Variants in ARRB1 observed in about 807,000 individuals in gnomAD.
ARRB1 encodes the protein arrestin beta 1.
A neutral mutation model predicts 56.8 loss-of-function variants in ARRB1; 21 were observed. The observed-to-expected ratio is 0.37, with a 90% confidence interval of 0.26 to 0.53. The LOEUF (loss-of-function observed/expected upper bound fraction) is 0.53. Ranked by LOEUF, ARRB1 falls within the 20% of genes least tolerant of loss-of-function variation. The pLI is 0.88. For missense variants in ARRB1, 424 were observed against 553.7 expected (o/e 0.77, Z 2.35); for synonymous variants, 210 against 218.6 (o/e 0.96, Z 0.35).
At chr11:75,267,759 G>A in intron 14 of ARRB1, 56 bp from the exon 15 acceptor site, 2 of 1,523,460 alleles carry the variant, frequency 1.3e-6, no homozygotes, top group Non-Finnish European at 1.8e-6. Flanking sequence ...GATGAGCACG[G>A]GGCGAGTAAG....
intron 2 of ARRB1, among the ~76,000 whole-genome samples, chr11:75,289,781 C>T (rs1200835769): frequency 6.6e-6 from 1 of 152,232 alleles, no homozygotes; most frequent in African/African-American, 2.4e-5. Flanking sequence ...CACCAGAGCT[C>T]AGGGGAGCTG....
chr11:75,284,996 C>T (rs1946437468), intron 3 of ARRB1, among the ~76,000 whole-genome samples: 1 of 152,182 alleles, frequency 6.6e-6, no homozygotes, highest in African/African-American at 2.4e-5. Flanking sequence ...ATTATTAAAG[C>T]CATTAATACC....
In ARRB1 at chr11:75,264,539, C is replaced by A. The variant is rs921488525; in HGVS notation, c.*1624G>T. On this transcript the variant is annotated 3_prime_UTR_variant, in exon 16 of 16. Coordinates refer to ENST00000420843, the MANE Select transcript of ARRB1 (RefSeq NM_004041.5). ...AACTCATGCTACCTATGGCCACAGC[C>A]TGACATCAATCCCTTCCCAGTCTTG... 6.6e-6 allele frequency: 1 copy of A among 152,266 alleles called. No individual in the cohort carries two copies. Among genetic ancestry groups the A allele is most frequent in the African/African-American group, 2.4e-5 (1 of 41,446 alleles). 9.4% of individuals were successfully genotyped at this position (152,266 alleles called of 1,614,324 possible). A position where few individuals can be genotyped will look rare whatever the true frequency, so the allele number is the denominator to read the frequency against.
chr11:75,289,756 G>A (rs1309427619), intron 2 of ARRB1, among the ~76,000 whole-genome samples: 1 of 152,140 alleles, frequency 6.6e-6, no homozygotes, highest in Non-Finnish European at 1.5e-5. Context: ...CTCTATGACA[G>A]GCCGTCTCTC....
At chr11:75,269,328 C>A in intron 13 of ARRB1, 1 of 405,210 alleles carries the variant, frequency 2.5e-6, no homozygotes, top group South Asian at 1.9e-5. Context: ...GCCACAGCCA[C>A]CCTCGCCTCC....
intron 1 of ARRB1, among the ~76,000 whole-genome samples, chr11:75,290,455 C>T (rs1375477971): frequency 3.3e-5 from 5 of 152,164 alleles, no homozygotes; most frequent in Non-Finnish European, 7.3e-5. Flanking sequence ...CACACCAGGG[C>T]GATTCCCACC....
intron 1 of ARRB1, among the ~76,000 whole-genome samples, chr11:75,297,561 G>A (rs758816574): frequency 2.0e-4 from 31 of 151,928 alleles, no homozygotes; most frequent in Admixed American, 4.6e-4. Context: ...CTCACATCAC[G>A]TACAAAAATT....
intron 1 of ARRB1, among the ~76,000 whole-genome samples, chr11:75,342,291 C>T (rs1157922620): frequency 6.6e-6 from 1 of 152,150 alleles, no homozygotes; most frequent in Admixed American, 6.5e-5. Flanking sequence ...TCTGAGCCTC[C>T]CCTGTTACAT....
chr11:75,273,195 G>A (rs988905835), intron 11 of ARRB1, among the ~76,000 whole-genome samples: 3 of 152,142 alleles, frequency 2.0e-5, no homozygotes, highest in South Asian at 2.1e-4. Flanking sequence ...TGTGAGACTC[G>A]CTCACTGTGT....
intron 1 of ARRB1, among the ~76,000 whole-genome samples, chr11:75,305,096 T>A (rs771483305): frequency 3.2e-4 from 47 of 144,758 alleles, no homozygotes; most frequent in Admixed American, 7.1e-4. Flanking sequence ...AGTGACATGA[T>A]CTCGGCTCAC....
rs186375493 is a variant in ARRB1, at chr11:75,299,274, A to G, written c.21-9235T>C. ...CAACTAAAAAAAGACAGAGAGAATGAAAAAAAGGAAATGTGCCTAAATACT... is the reference window on the plus strand; with the variant it reads ...CAACTAAAAAAAGACAGAGAGAATGGAAAAAAGGAAATGTGCCTAAATACT... On this transcript the variant is annotated intron_variant, in intron 1 of 15. Transcript: ENST00000420843. 6.6e-5 allele frequency among the ~76,000 whole-genome samples: 10 copies of G among 151,802 alleles called. No individual in the cohort carries two copies. The East Asian group carries it at 1.9e-3, about 29-fold the overall frequency.
chr11:75,308,027 G>A (rs1256837759), intron 1 of ARRB1, among the ~76,000 whole-genome samples: 1 of 152,230 alleles, frequency 6.6e-6, no homozygotes, highest in Non-Finnish European at 1.5e-5. Context: ...GGCTAAAGTG[G>A]AATAAAGCAT....
At position 75,322,885 on chromosome 11, in the gene ARRB1, C is replaced by G. The variant is rs547880914; in HGVS notation, c.20+28703G>C. Among the ~76,000 whole-genome samples, 390 of 152,254 alleles carry G rather than the reference C, an allele frequency of 2.6e-3. 2 individuals are homozygous for G. The highest frequency in any genetic ancestry group is 9.0e-3 in the African/African-American group (373 of 41,540). ...CCTCTCAGGGTCTCAGTTTTCCCTT[C>G]TGTAAAATGGAGATTACAACAGTGT... is the stretch of plus-strand genomic sequence containing the variant. On this transcript the variant is annotated intron_variant, in intron 1 of 15. Coordinates refer to ENST00000420843, the MANE Select transcript of ARRB1 (RefSeq NM_004041.5).
chr11:75,290,464 C>A (rs920272820), intron 1 of ARRB1, among the ~76,000 whole-genome samples: 1 of 152,198 alleles, frequency 6.6e-6, no homozygotes, highest in African/African-American at 2.4e-5. Context: ...GCGATTCCCA[C>A]CTCGGGGACA....
chr11:75,278,132 C>T (rs1445213283), intron 8 of ARRB1, among the ~76,000 whole-genome samples: 4 of 152,242 alleles, frequency 2.6e-5, no homozygotes, highest in Non-Finnish European at 5.9e-5. Context: ...AGGGGGTGCC[C>T]ACACCTTGAG....
chr11:75,267,723 G>A lies in ARRB1; in HGVS notation c.1094-20C>T. On this transcript the variant is annotated intron_variant, in intron 14 of 15. Coordinates refer to ENST00000420843, the MANE Select transcript of ARRB1 (RefSeq NM_004041.5). ...CTGGAACTAAACACAGGGTGGGTGG[G>A]CAGGGTGTCCAGGGATTAGTGAGTG... The A allele has an allele frequency of 1.8e-5, 18 of 1,006,450 alleles. No individual in the cohort carries two copies. The highest frequency in any genetic ancestry group is 2.7e-5 in the Non-Finnish European group (17 of 636,026). The allele number at this position is 1,006,450 out of a possible 1,614,324, so 62.3% of individuals were successfully genotyped here. A position where few individuals can be genotyped will look rare whatever the true frequency, so the allele number is the denominator to read the frequency against.
intron 13 of ARRB1, among the ~76,000 whole-genome samples, chr11:75,269,980 A>G (rs1489054453): frequency 1.3e-5 from 2 of 152,338 alleles, no homozygotes; most frequent in East Asian, 3.9e-4. Context: ...TGTTGTCCAG[A>G]GCCCAGTTGG....
At chr11:75,269,017 G>C in intron 13 of ARRB1, 58 bp from the exon 14 acceptor site, 1 of 1,555,676 alleles carries the variant, frequency 6.4e-7, no homozygotes, top group Non-Finnish European at 8.8e-7. Flanking sequence ...TGTGAGACTT[G>C]ATGTCGATGC....
intron 1 of ARRB1, among the ~76,000 whole-genome samples, chr11:75,342,990 C>T (rs1947713882): frequency 6.6e-6 from 1 of 152,108 alleles, no homozygotes; most frequent in Admixed American, 6.5e-5. Flanking sequence ...CAATGATGTC[C>T]TATGGTCCTC....
Sources: allele counts gnomAD v4.1 joint callset (sites outside exome capture counted in the v4.1 genomes callset), GRCh38; gene constraint gnomAD v4.1.1; transcripts MANE v1.5; gene names NCBI Gene and HGNC (gene_info 2026-07-23, HGNC 2026-07-21).